SOAT1: variants seen among roughly 807,000 people sequenced by gnomAD.
The protein encoded by SOAT1 is sterol O-acyltransferase 1, also known as acyl-coenzyme A:cholesterol acyltransferase 1.
Under a neutral mutation model 69.5 loss-of-function variants are expected in SOAT1, and 55 were observed. The observed-to-expected ratio is 0.79, with a 90% CI of 0.64 to 0.99. SOAT1 has a LOEUF of 0.99. SOAT1 is among the 50% of genes least tolerant of loss of function. The pLI, the probability that SOAT1 is intolerant of heterozygous loss-of-function variation, is 0.00. For missense variants in SOAT1, 580 were observed against 669.3 expected (o/e 0.87, Z 1.47); for synonymous variants, 231 against 224.7 (o/e 1.03, Z -0.25).
chr1:179,298,112 G>A (rs1185910520), intron 1 of SOAT1, among the ~76,000 whole-genome samples: 1 of 50,892 alleles, frequency 2.0e-5, no homozygotes, highest in Non-Finnish European at 3.8e-5. Context: ...GGTTTAAGTT[G>A]TGAAGTGACT....
chr1:179,351,021 CTTTTTT>C (rs201449849), intron 14 of SOAT1, among the ~76,000 whole-genome samples: 11 of 127,550 alleles, frequency 8.6e-5, no homozygotes, highest in Admixed American at 1.6e-4. Context: ...ATATTTCTTT[CTTTTTT>C]TTTTTTTTTT....
At chr1:179,325,992 T>C (rs1453128282) in intron 3 of SOAT1, among the ~76,000 whole-genome samples, 1 of 152,178 alleles carries the variant, frequency 6.6e-6, no homozygotes, top group Non-Finnish European at 1.5e-5. Flanking sequence ...AATATGTGTA[T>C]TGTGCAGGTG....
At chr1:179,337,969 T>G in intron 5 of SOAT1, 73 bp downstream of exon 5, 1 of 1,035,956 alleles carries the variant, frequency 9.7e-7, no homozygotes, top group South Asian at 1.6e-5. Flanking sequence ...TTGCTTAGTA[T>G]ATGGACATGT....
chr1:179,322,095 G>C (rs1014874716), intron 2 of SOAT1, among the ~76,000 whole-genome samples: 2 of 151,902 alleles, frequency 1.3e-5, no homozygotes, highest in Admixed American at 1.3e-4. Context: ...ATGTTGTCCA[G>C]GCTGGTCTTG....
At chr1:179,296,990 C>G (rs544363196) in intron 1 of SOAT1, among the ~76,000 whole-genome samples, 3 of 152,130 alleles carry the variant, frequency 2.0e-5, no homozygotes, top group Non-Finnish European at 4.4e-5. Flanking sequence ...GTATAAATAG[C>G]TGTCTACTTA....
intron 2 of SOAT1, among the ~76,000 whole-genome samples, chr1:179,306,457 G>A (rs760733305): frequency 1.3e-5 from 2 of 152,164 alleles, no homozygotes; most frequent in African/African-American, 4.8e-5. Context: ...TGCTGCTAAG[G>A]TGGTGGAAAT....
chr1:179,325,272 C>G (rs575350751), intron 3 of SOAT1, among the ~76,000 whole-genome samples: 2 of 151,266 alleles, frequency 1.3e-5, no homozygotes, highest in Non-Finnish European at 2.9e-5. Flanking sequence ...GCATCAGCCT[C>G]CCGAGTATTT....
At chr1:179,343,050 A>G (rs1468490693) in intron 9 of SOAT1, 107 bp downstream of exon 9, 1 of 834,224 alleles carries the variant, frequency 1.2e-6, no homozygotes, top group Non-Finnish European at 2.0e-6. Context: ...GAAAATATAG[A>G]ATGAGTTTTC....
chr1:179,336,784 C>G (rs1286751591), intron 4 of SOAT1, among the ~76,000 whole-genome samples: 1 of 152,018 alleles, frequency 6.6e-6, no homozygotes, highest in Non-Finnish European at 1.5e-5. Flanking sequence ...ATCACGAGGT[C>G]AGAAGTTCAA....
intron 3 of SOAT1, 91 bp downstream of exon 3, chr1:179,323,586 T>G (rs1665681127): frequency 4.8e-6 from 5 of 1,036,840 alleles, no homozygotes; most frequent in Non-Finnish European, 7.3e-6. Context: ...GCTCAGATAA[T>G]TATTTAAGCC....
At chr1:179,353,216 T>TATATATATAAATATATAA (rs1666803138) in intron 15 of SOAT1, among the ~76,000 whole-genome samples, 1 of 117,770 alleles carries the variant, frequency 8.5e-6, no homozygotes, top group African/African-American at 3.2e-5. Flanking sequence ...TAAATATATA[T>TATATATATAAATATATAA]ATATATATCT....
intron 1 of SOAT1, among the ~76,000 whole-genome samples, chr1:179,299,745 C>T (rs1270983058): frequency 1.8e-3 from 128 of 69,504 alleles, no homozygotes; most frequent in South Asian, 3.5e-3. Context: ...ATTTTGCTAT[C>T]TTTTTTTTTT....
intron 14 of SOAT1, among the ~76,000 whole-genome samples, chr1:179,351,021 CTTT>C (rs201449849): frequency 1.6e-5 from 2 of 127,594 alleles, no homozygotes; most frequent in Non-Finnish European, 1.7e-5. Flanking sequence ...ATATTTCTTT[CTTT>C]TTTTTTTTTT....
At chr1:179,339,730 T>G (rs188466482) in intron 6 of SOAT1, among the ~76,000 whole-genome samples, 185 bp downstream of exon 6, 7 of 152,264 alleles carry the variant, frequency 4.6e-5, no homozygotes, top group African/African-American at 1.7e-4. Context: ...TCATTACTTT[T>G]ATTTTTAAAA....
rs1230246184 is a variant in SOAT1, at chr1:179,358,573, A to T, written c.*4932A>T. On this transcript the variant is annotated 3_prime_UTR_variant, in exon 16 of 16. Transcript: ENST00000367619. ...TTTGCCATTTGGGGTAATGCAGCAG[A>T]TTCCTGTGTCTGTATCTTTCCAGTG... 6.6e-6 allele frequency: 1 copy of T among 152,200 alleles called. No homozygotes were observed. The highest frequency in any genetic ancestry group is 1.5e-5 in the Non-Finnish European group (1 of 68,040). The allele number at this position is 152,200 out of a possible 1,614,324, so 9.4% of individuals were successfully genotyped here. A position where few individuals can be genotyped will look rare whatever the true frequency, so the allele number is the denominator to read the frequency against.
chr1:179,342,057 A>G (rs1666356288), intron 7 of SOAT1, 57 bp from the exon 8 acceptor site: 3 of 1,608,354 alleles, frequency 1.9e-6, no homozygotes, highest in Admixed American at 3.4e-5. Flanking sequence ...ACTAATGGAA[A>G]GGACACTTGC....
intron 12 of SOAT1, among the ~76,000 whole-genome samples, chr1:179,348,247 T>C (rs1030469406): frequency 1.9e-4 from 29 of 152,214 alleles, no homozygotes; most frequent in Non-Finnish European, 4.3e-4. Flanking sequence ...TTTGAGTTGT[T>C]TTTGGCAACA....
intron 2 of SOAT1, among the ~76,000 whole-genome samples, chr1:179,320,298 C>T (rs528789008): frequency 2.6e-5 from 4 of 151,990 alleles, no homozygotes; most frequent in Non-Finnish European, 4.4e-5. Flanking sequence ...AGAATCTTTC[C>T]GCATTTTTCT....
chr1:179,332,808 T>C (rs1380000366), intron 3 of SOAT1, among the ~76,000 whole-genome samples: 2 of 152,234 alleles, frequency 1.3e-5, no homozygotes, highest in East Asian at 3.8e-4. Context: ...GACTGTTTCT[T>C]GTACTATATT....
Sources: gnomAD v4.1 joint callset for allele counts (sites outside exome capture counted in the v4.1 genomes callset) on GRCh38, gnomAD v4.1.1 for gene constraint, MANE v1.5 for transcripts, NCBI Gene and HGNC (gene_info 2026-07-23, HGNC 2026-07-21) for gene names.